LGI4: variants seen among roughly 807,000 people sequenced by gnomAD.
LGI4 encodes leucine-rich repeat LGI family member 4.
A neutral mutation model predicts 48.3 loss-of-function variants in LGI4; 36 were observed. That is an observed-to-expected ratio of 0.75 (90% CI 0.57 to 0.98). The LOEUF is 0.98. LGI4 is among the 50% of genes least tolerant of loss of function. The probability of loss-of-function intolerance (pLI) is 0.00; values close to 1 mark genes in which losing one functional copy is unlikely to be tolerated. For missense variants in LGI4, 701 were observed against 732.1 expected (o/e 0.96, Z 0.49); for synonymous variants, 355 against 331.6 (o/e 1.07, Z -0.77).
rs767167997 is a variant in LGI4, at chr19:35,133,694, G to A, written c.313C>T (p.Leu105Phe). The A allele has an allele frequency of 2.5e-6, 4 of 1,601,114 alleles. No homozygotes were observed. Among genetic ancestry groups the A allele is most frequent in the African/African-American group, 1.3e-5 (1 of 74,846 alleles). Reference protein sequence around the residue: ...AFAGLSHLQYLFIEDNEIGSI... With the variant: ...AFAGLSHLQYFFIEDNEIGSI... The stretch of plus-strand genomic sequence containing the variant: ...CCTCCATCCCCTGGCCTCACTCACA[G>A]GTACTGCAGGTGGGACAGGCCCGCA... Residue 105 changes from leucine to phenylalanine, a missense_variant and splice_region_variant, in exon 3 of 9, where the codon CTC becomes TTC. By Grantham distance (22) the Leu-to-Phe change is conservative (BLOSUM62 0). Around this residue, in one of 3 missense-constraint regions of LGI4, gnomAD observed 462 missense variants for 436.4 expected, o/e 1.06. Transcript: ENST00000310123.
rs1251055769 is a variant in LGI4, at chr19:35,131,477, G to A, written c.537C>T (p.Ser179=). The A allele has an allele frequency of 1.1e-5, 17 of 1,551,258 alleles. No individual in the cohort carries two copies. The highest frequency in any genetic ancestry group is 7.3e-5 in the East Asian group (3 of 40,982). The part of the protein sequence containing the change: ...LLQWMPTVNA[S]VGTGACAGPA... ...GGCCCGCACAGGCGCCGGTCCCCACGCTGGCATTCACGGTGGGCATCCACT... is the reference window on the plus strand; with the variant it reads ...GGCCCGCACAGGCGCCGGTCCCCACACTGGCATTCACGGTGGGCATCCACT... The change falls in exon 6 of 9, where the codon AGC becomes AGT. Residue 179 remains serine (S), a synonymous_variant. Transcript: ENST00000310123.
intron 6 of LGI4, among the ~76,000 whole-genome samples, chr19:35,129,011 C>T (rs1265271468): frequency 6.6e-6 from 1 of 152,164 alleles, no homozygotes; most frequent in East Asian, 1.9e-4. Context: ...CTCATTCTCT[C>T]ATCACTCCTT....
At position 35,125,505 on chromosome 19, in the gene LGI4, G is replaced by A; in HGVS notation, c.1302C>T (p.Val434=). The A allele has an allele frequency of 1.3e-6, 2 of 1,548,262 alleles. No homozygotes were observed. Among genetic ancestry groups the A allele is most frequent in the South Asian group, 1.2e-5 (1 of 81,522 alleles). The stretch of plus-strand genomic sequence containing the variant: ...GAAACATGGAGCCGTCCCAGCGCAT[G>A]ACCTGTGGGGGTGTGGCCAGTGAGG... The part of the protein sequence containing the change: ...CLTRYIGDSM[V]MRWDGSMFRL... The change falls in exon 9 of 9, where the codon GTC becomes GTT. Residue 434 remains valine, a splice_region_variant and synonymous_variant. Coordinates refer to ENST00000310123, the MANE Select transcript of LGI4 (RefSeq NM_139284.3).
rs1376379158 is a variant in LGI4, at chr19:35,134,806, T to G, written c.-126A>C. 5.2e-6 allele frequency: 3 copies of G among 572,012 alleles called. No individual in the cohort carries two copies. The highest frequency in any genetic ancestry group is 9.2e-6 in the Non-Finnish European group (3 of 326,328). The allele number at this position is 572,012 out of a possible 1,614,324, so 35.4% of individuals were successfully genotyped here. A position where few individuals can be genotyped will look rare whatever the true frequency, so the allele number is the denominator to read the frequency against. On this transcript the variant is annotated 5_prime_UTR_variant, in exon 1 of 9. Coordinates refer to ENST00000310123, the MANE Select transcript of LGI4 (RefSeq NM_139284.3). ...CTGGCACGCTCGGCCCTGGCTTCTC[T>G]CTCCTCTTCTCCGTCTTTCTTTCAG...
chr19:35,131,160 G>A, intron 6 of LGI4: 1 of 640,288 alleles, frequency 1.6e-6, no homozygotes, highest in East Asian at 2.8e-5. Flanking sequence ...GGCGCCAAAT[G>A]CCGAACACGT....
At position 35,126,735 on chromosome 19, in the gene LGI4, C is replaced by A. The variant is rs1687998; in HGVS notation, c.834G>T (p.Pro278=). The part of the protein sequence containing the change: ...VVSCKPLVLG[P]SLFVLAARLW... ...GGCGGGCAGCCAGCACGAAGAGGCT[C>A]GGGCCCAGCACCAGTGGCTTGCAGG... The change falls in exon 8 of 9, where the codon CCG becomes CCT. Residue 278 remains proline, a synonymous_variant. Coordinates refer to ENST00000310123, the MANE Select transcript of LGI4 (RefSeq NM_139284.3). The A allele has an allele frequency of 6.5e-7, 1 of 1,541,892 alleles. No individual in the cohort carries two copies. Among genetic ancestry groups the A allele is most frequent in the East Asian group, 2.4e-5 (1 of 41,160 alleles).
chr19:35,134,238 A>T, intron 1 of LGI4, 134 bp from the exon 2 acceptor site: 1 of 872,364 alleles, frequency 1.1e-6, no homozygotes, highest in Non-Finnish European at 1.8e-6. Context: ...ATGCCAGAGG[A>T]GGCAGGCATT....
At position 35,126,314 on chromosome 19, in the gene LGI4, C is replaced by G. The variant is rs767446968; in HGVS notation, c.1255G>C (p.Gly419Arg). ...CGTGTGAGGCACAGGAACACGTCCC[C>G]ACCAGCCTGGAAGTGGCGTGTGGCA... ...VYATRHFQAG[G>R]DVFLCLTRYI... is the part of the protein sequence containing the mutation. The change falls in exon 8 of 9, where the codon GGG becomes CGG. Residue 419 changes from glycine (G) to arginine (R), a missense_variant. By Grantham distance (125) the Gly-to-Arg change is moderately radical. Coordinates refer to ENST00000310123, the MANE Select transcript of LGI4 (RefSeq NM_139284.3). The G allele has an allele frequency of 1.2e-6, 2 of 1,611,984 alleles. No individual in the cohort carries two copies. Among genetic ancestry groups the G allele is most frequent in the South Asian group, 2.2e-5 (2 of 90,550 alleles).
In LGI4 at chr19:35,125,352, C is replaced by G. The variant is rs542768571; in HGVS notation, c.1455G>C (p.Lys485Asn). 1 of 1,613,422 alleles carries G rather than the reference C, an allele frequency of 6.2e-7. No individual in the cohort carries two copies. Among genetic ancestry groups the G allele is most frequent in the South Asian group, 1.1e-5 (1 of 91,064 alleles). ...FSQVLRLEPD[K>N]GLLEPLQELG... ...GCTCCTGCAGTGGCTCCAGGAGCCCCTTGTCAGGCTCAAGGCGGAGGACCT... is the reference window on the plus strand; with the variant it reads ...GCTCCTGCAGTGGCTCCAGGAGCCCGTTGTCAGGCTCAAGGCGGAGGACCT... Residue 485 changes from lysine to asparagine, a missense_variant, in exon 9 of 9, where the codon AAG (lysine) becomes AAC (asparagine). Around this residue, in one of 3 missense-constraint regions of LGI4, gnomAD observed 223 missense variants for 263.3 expected, o/e 0.85. Coordinates refer to ENST00000310123, the MANE Select transcript of LGI4 (RefSeq NM_139284.3).
At position 35,124,730 on chromosome 19, in the gene LGI4, T is replaced by C. The variant is rs966907037; in HGVS notation, c.*463A>G. ...GCCCAGTGCTGAGTTGTCTTCGAGGTTGGCGCTCCTCCAGGAAAGCGATTG... is the reference window on the plus strand; with the variant it reads ...GCCCAGTGCTGAGTTGTCTTCGAGGCTGGCGCTCCTCCAGGAAAGCGATTG... On this transcript the variant is annotated 3_prime_UTR_variant, in exon 9 of 9. Coordinates refer to ENST00000310123, the MANE Select transcript of LGI4 (RefSeq NM_139284.3). 2 of 153,624 alleles carry C rather than the reference T, an allele frequency of 1.3e-5. No homozygotes were observed. The highest frequency in any genetic ancestry group is 4.8e-5 in the African/African-American group (2 of 41,642). 9.5% of individuals were successfully genotyped at this position (153,624 alleles called of 1,614,324 possible).
At chr19:35,132,810 A>G (rs1050714582) in intron 3 of LGI4, among the ~76,000 whole-genome samples, 2 of 151,940 alleles carry the variant, frequency 1.3e-5, no homozygotes, top group Non-Finnish European at 2.9e-5. Flanking sequence ...CGCCACCAAC[A>G]CTGCCAACAC....
Position 35,134,713 on chromosome 19 carries a change from C to T in LGI4, c.-33G>A. On this transcript the variant is annotated 5_prime_UTR_variant, in exon 1 of 9. Transcript: ENST00000310123. ...CCCCCACTCTGAGGCACCCGCTTCT[C>T]CCGGCCCACCCAGCTCAGCCCAGGC... 2 of 1,218,882 alleles carry T rather than the reference C, an allele frequency of 1.6e-6. No homozygotes were observed. Among genetic ancestry groups the T allele is most frequent in the Non-Finnish European group, 2.3e-6 (2 of 882,728 alleles). 75.5% of individuals were successfully genotyped at this position (1,218,882 alleles called of 1,614,324 possible).
At position 35,126,540 on chromosome 19, in the gene LGI4, C is replaced by T. The variant is rs1004606185; in HGVS notation, c.1029G>A (p.Thr343=). Residue 343 remains threonine, a synonymous_variant, in exon 8 of 9, where the codon ACG becomes ACA. Transcript: ENST00000310123. ...VADASKAGST[T]LLCRDGPGFY... is the part of the protein sequence containing the mutation. The stretch of plus-strand genomic sequence containing the variant: ...AGCCGGGCCCGTCGCGGCACAGCAG[C>T]GTGGTGCTGCCCGCCTTGGAGGCAT... 3.2e-6 allele frequency: 5 copies of T among 1,541,160 alleles called. No individual in the cohort carries two copies. Among genetic ancestry groups the T allele is most frequent in the South Asian group, 2.4e-5 (2 of 84,294 alleles).
Position 35,131,859 on chromosome 19 carries a change from T to A in LGI4, c.388A>T (p.Ser130Cys). The A allele has an allele frequency of 6.4e-7, 1 of 1,572,138 alleles. No homozygotes were observed. The highest frequency in any genetic ancestry group is 1.2e-5 in the South Asian group (1 of 85,516). Reference protein sequence around the residue: ...LRGLRSLTHLSLANNHLETLP... With the variant: ...LRGLRSLTHLCLANNHLETLP... ...GTCTCCAGATGGTTATTGGCCAGGC[T>A]TCTGGTGGAGGAAGAGAAGGCACCG... Residue 130 changes from serine to cysteine, a missense_variant and splice_region_variant, in exon 5 of 9, where the codon AGC becomes TGC. This residue lies in a region of LGI4 where 462 missense variants were observed against 436.4 expected (regional missense o/e 1.06). Coordinates refer to ENST00000310123, the MANE Select transcript of LGI4 (RefSeq NM_139284.3).
chr19:35,127,308 T>G (rs1380583011), intron 6 of LGI4, among the ~76,000 whole-genome samples: 2 of 152,184 alleles, frequency 1.3e-5, no homozygotes, highest in Non-Finnish European at 2.9e-5. Context: ...CCTCAGCCTC[T>G]TAAGCTGAGA....
intron 3 of LGI4, among the ~76,000 whole-genome samples, chr19:35,132,396 C>G (rs980453524): frequency 2.6e-5 from 4 of 151,638 alleles, no homozygotes; most frequent in Admixed American, 6.6e-5. Context: ...TCATCAACCC[C>G]AGGACCAATA....
Position 35,133,748 on chromosome 19 carries a change from A to T in LGI4, c.259T>A (p.Ser87Thr). 6.2e-7 allele frequency: 1 copy of T among 1,608,906 alleles called. No homozygotes were observed. Among genetic ancestry groups the T allele is most frequent in the South Asian group, 1.1e-5 (1 of 89,490 alleles). Residue 87 changes from serine (S) to threonine (T), a missense_variant, in exon 3 of 9, where the codon TCC (serine) becomes ACC (threonine). Transcript: ENST00000310123. ...GCATCGTCCTCAATCACGGAGAAGGAGTTGGAGGTGAAGAGGCTGGCAAGG... is the reference window on the plus strand; with the variant it reads ...GCATCGTCCTCAATCACGGAGAAGGTGTTGGAGGTGAAGAGGCTGGCAAGG... ...SLHLLLFTSN[S>T]FSVIEDDAFA...
Position 35,124,964 on chromosome 19 carries a change from G to A in LGI4, c.*229C>T. 2.5e-6 allele frequency: 1 copy of A among 401,874 alleles called. No individual in the cohort carries two copies. The highest frequency in any genetic ancestry group is 4.0e-5 in the Admixed American group (1 of 24,788). The allele number at this position is 401,874 out of a possible 1,614,324, so 24.9% of individuals were successfully genotyped here. A position where few individuals can be genotyped will look rare whatever the true frequency, so the allele number is the denominator to read the frequency against. ...TCTGCCCCAGCCGAGATGTCCAGAT[G>A]TTGCTTTAGACCTGAAGGGCAGCTC... On this transcript the variant is annotated 3_prime_UTR_variant, in exon 9 of 9. Transcript: ENST00000310123.
chr19:35,128,506 C>G (rs543389544), intron 6 of LGI4, among the ~76,000 whole-genome samples: 12 of 152,258 alleles, frequency 7.9e-5, no homozygotes, highest in Non-Finnish European at 1.6e-4. Flanking sequence ...CCCAGGAGTT[C>G]GAGAGCAGCC....
Sources: gnomAD v4.1 joint callset for allele counts (sites outside exome capture counted in the v4.1 genomes callset) on GRCh38, gnomAD v4.1.1 for gene constraint, gnomAD v4.1.1 regional missense constraint, MANE v1.5 for transcripts, NCBI Gene and HGNC (gene_info 2026-07-23, HGNC 2026-07-21) for gene names.